Variants in SLC27A2 observed in about 807,000 individuals in gnomAD.
SLC27A2 encodes the protein long-chain fatty acid transport protein 2.
SLC27A2 carries 54 observed loss-of-function variants against 60.0 expected under a neutral mutation model. The observed-to-expected ratio is 0.90, with a 90% confidence interval of 0.72 to 1.13. The LOEUF is 1.13. SLC27A2 is among the 50% of genes most tolerant of loss of function. SLC27A2 has a pLI of 0.00. For missense variants in SLC27A2, 739 were observed against 777.6 expected, an observed-to-expected ratio of 0.95 and a Z score of 0.59; for synonymous variants, 297 against 297.6, an observed-to-expected ratio of 1.00 and a Z score of 0.02.
chr15:50,232,548 T>C (rs56185295), intron 8 of SLC27A2, among the ~76,000 whole-genome samples: 22,319 of 152,134 alleles, frequency 0.15, 1,703 homozygotes, highest in Middle Eastern at 0.18. Flanking sequence ...CCATTCCCCC[T>C]GAAGCTGAAC....
intron 3 of SLC27A2, among the ~76,000 whole-genome samples, chr15:50,204,532 G>C (rs1162474879): frequency 3.4e-4 from 52 of 151,940 alleles, no homozygotes; most frequent in Non-Finnish European, 1.5e-5. Context: ...AGGAGATTGA[G>C]ACCATCCTGG....
intron 4 of SLC27A2, 24 bp from the exon 5 acceptor site, chr15:50,222,941 T>A (rs765177832): frequency 6.4e-7 from 1 of 1,574,326 alleles, no homozygotes; most frequent in Admixed American, 1.9e-5. Flanking sequence ...TTCAGTTTGG[T>A]CTCCTTCTTC....
chr15:50,203,878 T>A (rs182795565), intron 3 of SLC27A2, among the ~76,000 whole-genome samples: 1 of 152,082 alleles, frequency 6.6e-6, no homozygotes, highest in Admixed American at 6.6e-5. Flanking sequence ...AGGGAGATGA[T>A]GACCATCCCC....
chr15:50,193,958 A>C (rs984151510), intron 1 of SLC27A2, among the ~76,000 whole-genome samples: 1 of 152,148 alleles, frequency 6.6e-6, no homozygotes, highest in Non-Finnish European at 1.5e-5. Flanking sequence ...CACAAGTTTC[A>C]GATCAGCCTG....
intron 4 of SLC27A2, among the ~76,000 whole-genome samples, chr15:50,219,152 GAAAGA>G (rs2045224748): frequency 6.6e-6 from 1 of 152,198 alleles, no homozygotes; most frequent in African/African-American, 2.4e-5. Flanking sequence ...GAGAGAATAG[GAAAGA>G]ACTGAATCCT....
At chr15:50,231,315 T>C (rs1299944803) in intron 8 of SLC27A2, among the ~76,000 whole-genome samples, 2 of 151,874 alleles carry the variant, frequency 1.3e-5, no homozygotes, top group African/African-American at 2.4e-5. Flanking sequence ...GCCCGGCTAA[T>C]TTTGTATTTT....
At chr15:50,225,449 TG>T (rs1402411046) in intron 5 of SLC27A2, among the ~76,000 whole-genome samples, 2 of 152,152 alleles carry the variant, frequency 1.3e-5, no homozygotes, top group African/African-American at 4.8e-5. Flanking sequence ...CTTAGAAACA[TG>T]AAAAATCTAA....
chr15:50,192,621 T>C (rs2044983001), intron 1 of SLC27A2, among the ~76,000 whole-genome samples: 1 of 151,910 alleles, frequency 6.6e-6, no homozygotes, highest in African/African-American at 2.4e-5. Context: ...CATGGCTCAC[T>C]GCAGCCTTGA....
chr15:50,215,310 A>G (rs149960338), intron 4 of SLC27A2, among the ~76,000 whole-genome samples: 1 of 152,314 alleles, frequency 6.6e-6, no homozygotes, highest in East Asian at 1.9e-4. Flanking sequence ...GAAAGTAATC[A>G]TAAACTAAAC....
intron 2 of SLC27A2, among the ~76,000 whole-genome samples, chr15:50,199,869 AGTGAC>A (rs2045051285): frequency 6.6e-6 from 1 of 152,214 alleles, no homozygotes; most frequent in African/African-American, 2.4e-5. Flanking sequence ...CTGAGGCTAC[AGTGAC>A]GTGCCACTAC....
At chr15:50,217,879 C>T (rs902346784) in intron 4 of SLC27A2, among the ~76,000 whole-genome samples, 47 of 151,810 alleles carry the variant, frequency 3.1e-4, no homozygotes, top group Non-Finnish European at 5.7e-4. Context: ...CATGGTGAAA[C>T]CCCATCTCTA....
intron 1 of SLC27A2, among the ~76,000 whole-genome samples, chr15:50,195,352 G>A (rs1303244933): frequency 6.6e-6 from 1 of 151,656 alleles, no homozygotes; most frequent in Non-Finnish European, 1.5e-5. Flanking sequence ...TTAGCCAGGT[G>A]TGGTGGCAGG....
At chr15:50,226,319 A>C (rs550290374) in intron 6 of SLC27A2, among the ~76,000 whole-genome samples, 1 of 152,350 alleles carries the variant, frequency 6.6e-6, no homozygotes, top group East Asian at 1.9e-4. Flanking sequence ...GTTTTGTGGG[A>C]AGGGATATGT....
intron 8 of SLC27A2, among the ~76,000 whole-genome samples, chr15:50,232,607 C>G (rs2140915708): frequency 6.6e-6 from 1 of 152,138 alleles, no homozygotes; most frequent in South Asian, 2.1e-4. Flanking sequence ...TGAGACCTGA[C>G]AGGCCCATTT....
Position 50,207,174 on chromosome 15 carries a change from C to T in SLC27A2, c.972+1811C>T, listed in dbSNP as rs373253079. The stretch of plus-strand genomic sequence containing the variant: ...TAATGGGAGCTTCCTTTGGACTGGA[C>T]GAAAATAAATATGTTTGTGTGTAGC... On this transcript the variant is annotated intron_variant, in intron 4 of 9. Transcript: ENST00000267842. 6.6e-4 allele frequency among the ~76,000 whole-genome samples: 100 copies of T among 152,066 alleles called. No individual in the cohort carries two copies. The East Asian group carries it at 8.9e-3, about 14-fold the overall frequency.
At chr15:50,216,841 A>G (rs903986571) in intron 4 of SLC27A2, among the ~76,000 whole-genome samples, 21 of 145,832 alleles carry the variant, frequency 1.4e-4, no homozygotes, top group Non-Finnish European at 2.5e-4. Context: ...AAATATAAAT[A>G]TATAGTACAT....
At chr15:50,184,065 A>G (rs1281032423) in intron 1 of SLC27A2, among the ~76,000 whole-genome samples, 1 of 126,386 alleles carries the variant, frequency 7.9e-6, no homozygotes, top group Non-Finnish European at 1.6e-5. Context: ...ATTTCAGTTC[A>G]CTGTAACCTC....
At chr15:50,216,727 C>T (rs1352554298) in intron 4 of SLC27A2, among the ~76,000 whole-genome samples, 10 of 138,202 alleles carry the variant, frequency 7.2e-5, no homozygotes, top group African/African-American at 1.6e-4. Context: ...TTTGGCTATG[C>T]GGGCTCTTTT....
In SLC27A2 at chr15:50,184,786, G is replaced by A. The variant is rs187154144; in HGVS notation, c.478+1881G>A. On this transcript the variant is annotated intron_variant, in intron 1 of 9. Coordinates refer to ENST00000267842, the MANE Select transcript of SLC27A2 (RefSeq NM_003645.4). ...CAGGAGGCAGAGGTTTCAGTGAGCCGAGATCATGCCACTGCACTCCAGCCT... is the reference window on the plus strand; with the variant it reads ...CAGGAGGCAGAGGTTTCAGTGAGCCAAGATCATGCCACTGCACTCCAGCCT... Among the ~76,000 whole-genome samples the A allele has an allele frequency of 7.2e-5, 11 of 152,206 alleles. No individual in the cohort carries two copies. In the East Asian group the frequency reaches 1.5e-3, roughly 21 times the overall value.
Sources: allele counts gnomAD v4.1 joint callset (sites outside exome capture counted in the v4.1 genomes callset), GRCh38; gene constraint gnomAD v4.1.1; transcripts MANE v1.5; gene names NCBI Gene and HGNC (gene_info 2026-07-23, HGNC 2026-07-21).